The following FKBP5 variants were observed in gnomAD, a reference collection of about 807,000 sequenced individuals.
FKBP5 encodes FKBP prolyl isomerase 5, also known as peptidyl-prolyl cis-trans isomerase FKBP5.
A neutral mutation model predicts 50.5 loss-of-function variants in FKBP5; 23 were observed. The ratio of observed to expected loss-of-function variants is 0.46; its 90% confidence interval spans 0.33 to 0.65. The LOEUF (loss-of-function observed/expected upper bound fraction) is 0.65, where lower values mean the gene tolerates loss of function less well. Ranked by LOEUF, FKBP5 falls within the 30% of genes least tolerant of loss-of-function variation. FKBP5 has a pLI of 0.02. For synonymous variants in FKBP5, 176 were observed against 190.6 expected (o/e 0.92, Z 0.63); for missense variants, 411 against 553.1 (o/e 0.74, Z 2.58).
At chr6:35,610,490 C>G (rs1163173253) in intron 5 of FKBP5, among the ~76,000 whole-genome samples, 1 of 145,476 alleles carries the variant, frequency 6.9e-6, no homozygotes, top group African/African-American at 2.5e-5. Flanking sequence ...ATGGCGTGAA[C>G]CCGAGAGGCG....
chr6:35,672,571 T>A (rs1199857182), intron 1 of FKBP5, among the ~76,000 whole-genome samples: 1 of 151,748 alleles, frequency 6.6e-6, no homozygotes, highest in African/African-American at 2.4e-5. Flanking sequence ...TGGGAAAGAA[T>A]ACACAACATG....
chr6:35,650,299 CAAA>C (rs34190034), intron 1 of FKBP5, among the ~76,000 whole-genome samples: 10 of 99,888 alleles, frequency 1.0e-4, no homozygotes, highest in Admixed American at 2.1e-4. Context: ...AGATATTGTC[CAAA>C]AAAAAAAAAA....
Position 35,575,882 on chromosome 6 carries a change from T to C in FKBP5, c.1327A>G (p.Thr443Ala), listed in dbSNP as rs758757271. 6.2e-7 allele frequency: 1 copy of C among 1,614,142 alleles called. No individual in the cohort carries two copies. The highest frequency in any genetic ancestry group is 2.2e-5 in the East Asian group (1 of 44,880). ...TSEGVTNEKG[T>A]DSQAMEEEKP... ...TCTTCTTCCATTGCTTGACTGTCTG[T>C]TCCTTTTTCATTAGTGACCCCTTCT... Residue 443 changes from threonine (T) to alanine (A), a missense_variant, in exon 11 of 11, where the codon ACA becomes GCA. Physicochemically the swap from Thr to Ala is moderately conservative, Grantham distance 58. Coordinates refer to ENST00000357266, the MANE Select transcript of FKBP5 (RefSeq NM_004117.4).
intron 1 of FKBP5, among the ~76,000 whole-genome samples, chr6:35,669,926 G>A (rs941574820): frequency 5.9e-5 from 9 of 152,114 alleles, no homozygotes; most frequent in African/African-American, 2.2e-4. Flanking sequence ...TTCAAACACA[G>A]AAACTATCTT....
At chr6:35,688,171 C>A (rs1038899931) in intron 1 of FKBP5, among the ~76,000 whole-genome samples, 1 of 152,230 alleles carries the variant, frequency 6.6e-6, no homozygotes, top group Non-Finnish European at 1.5e-5. Flanking sequence ...TGTCCCGAGG[C>A]GGCAGGTGAA....
chr6:35,584,806 A>G, intron 8 of FKBP5: 1 of 985,342 alleles, frequency 1.0e-6, no homozygotes, highest in Non-Finnish European at 1.2e-6. Context: ...GTTAAAAATA[A>G]TTTTTTCCAT....
chr6:35,712,811 A>C (rs1766437626), intron 2 of FKBP5, among the ~76,000 whole-genome samples: 1 of 152,188 alleles, frequency 6.6e-6, no homozygotes, highest in Non-Finnish European at 1.5e-5. Flanking sequence ...GGCTGACCCT[A>C]GAACTGAAGC....
rs561377082 is a variant in FKBP5 at position 35,625,988 on chromosome 6, C to T, written c.251-5714G>A. Among the ~76,000 whole-genome samples, 319 of 151,426 alleles carry T rather than the reference C, an allele frequency of 2.1e-3. 1 individual carries two copies. The highest frequency in any genetic ancestry group is 3.8e-3 in the Non-Finnish European group (260 of 67,862). On this transcript the variant is annotated intron_variant, in intron 3 of 10. Coordinates refer to ENST00000357266, the MANE Select transcript of FKBP5 (RefSeq NM_004117.4). ...TAGAGATGGAGTTTCATCGTGTTAGCCAGGATGGTCTCGATCTCCTGACCT... is the reference window on the plus strand; with the variant it reads ...TAGAGATGGAGTTTCATCGTGTTAGTCAGGATGGTCTCGATCTCCTGACCT...
At chr6:35,613,694 G>A (rs1763561893) in intron 5 of FKBP5, among the ~76,000 whole-genome samples, 1 of 152,188 alleles carries the variant, frequency 6.6e-6, no homozygotes, top group Non-Finnish European at 1.5e-5. Flanking sequence ...TTGTTTAAAG[G>A]AGGAAAAACC....
intron 3 of FKBP5, among the ~76,000 whole-genome samples, 160 bp from the exon 4 acceptor site, chr6:35,620,434 AT>A (rs1561861559): frequency 6.6e-6 from 1 of 151,806 alleles, no homozygotes; most frequent in Non-Finnish European, 1.5e-5. Context: ...TAAATAAATT[AT>A]TTTTTTTGAA....
chr6:35,585,275 T>C (rs1159501119), intron 8 of FKBP5: 2 of 981,932 alleles, frequency 2.0e-6, no homozygotes, highest in East Asian at 2.3e-4. Flanking sequence ...AGAAATTTTG[T>C]AGAAACATTT....
chr6:35,591,273 C>T (rs891882115), intron 6 of FKBP5, 53 bp from the exon 7 acceptor site: 70 of 1,234,620 alleles, frequency 5.7e-5, no homozygotes, highest in Non-Finnish European at 7.6e-5. Context: ...TATTTCCAGG[C>T]ACTTCCTTCA....
chr6:35,672,090 G>A (rs1765403219), intron 1 of FKBP5, among the ~76,000 whole-genome samples: 1 of 152,076 alleles, frequency 6.6e-6, no homozygotes, highest in Non-Finnish European at 1.5e-5. Flanking sequence ...GGATGGTCTC[G>A]ATCTCCTGAC....
intron 8 of FKBP5, chr6:35,582,118 A>G (rs915968505): frequency 3.0e-5 from 30 of 985,378 alleles, no homozygotes; most frequent in Middle Eastern, 5.2e-4. Flanking sequence ...AATGAGGGCC[A>G]GGCTACATCC....
chr6:35,705,740 C>T (rs913307049), intron 2 of FKBP5, among the ~76,000 whole-genome samples: 1 of 152,022 alleles, frequency 6.6e-6, no homozygotes, highest in African/African-American at 2.4e-5. Flanking sequence ...AGGTCCTTAC[C>T]TCATTTCTTA....
Position 35,712,845 on chromosome 6 carries a change from C to T in FKBP5, c.-20+7483G>A, listed in dbSNP as rs549648181. ...GCTGGCCGTGTGGCCTGGGCACTCC[C>T]CAAAACTACTTAGTAAACCTTCATC... is the stretch of plus-strand genomic sequence containing the variant. On this transcript the variant is annotated intron_variant, in intron 2 of 11. Transcript: ENST00000536438. Among the ~76,000 whole-genome samples, 6 of 152,176 alleles carry T rather than the reference C, an allele frequency of 3.9e-5. No individual in the cohort carries two copies. The South Asian group carries it at 1.2e-3, about 32-fold the overall frequency.
rs78179295 is a variant in FKBP5, at chr6:35,710,052, C to T, written c.-20+10276G>A. The stretch of plus-strand genomic sequence containing the variant: ...AAGATGAGAATTCCAGGAAATGATC[C>T]TAGCACATGCAGAAACAGAAGGATG... On this transcript the variant is annotated intron_variant, in intron 2 of 11. Transcript: ENST00000536438. 1.9e-3 allele frequency among the ~76,000 whole-genome samples: 284 copies of T among 152,264 alleles called. 6 individuals carry two copies. In the South Asian group the frequency reaches 0.023, roughly 12 times the overall value.
chr6:35,707,502 T>A (rs2151020778), intron 2 of FKBP5, among the ~76,000 whole-genome samples: 1 of 152,194 alleles, frequency 6.6e-6, no homozygotes, highest in African/African-American at 2.4e-5. Flanking sequence ...ATTACAGGCG[T>A]GAGCCACCGC....
At chr6:35,715,959 T>C (rs1199305431) in intron 2 of FKBP5, among the ~76,000 whole-genome samples, 2 of 151,692 alleles carry the variant, frequency 1.3e-5, no homozygotes, top group African/African-American at 4.8e-5. Flanking sequence ...TAAGGAGGGA[T>C]TGGATGGAAA....
Sources: gnomAD v4.1 joint callset for allele counts (sites outside exome capture counted in the v4.1 genomes callset) on GRCh38, gnomAD v4.1.1 for gene constraint, MANE v1.5 for transcripts, NCBI Gene and HGNC (gene_info 2026-07-23, HGNC 2026-07-21) for gene names.